The following USO1 variants were observed in gnomAD, a reference collection of about 807,000 sequenced individuals.
USO1 encodes the protein general vesicular transport factor p115.
Under a neutral mutation model 124.5 loss-of-function variants are expected in USO1, and 57 were observed. The observed-to-expected ratio is 0.46, with a 90% CI of 0.37 to 0.57. The LOEUF (loss-of-function observed/expected upper bound fraction) is 0.57, where lower values mean the gene tolerates loss of function less well. Among genes scored for constraint, USO1 ranks in the 20% least tolerant of loss-of-function variants. The pLI, the probability that USO1 is intolerant of heterozygous loss-of-function variation, is 0.00. For missense variants in USO1, 900 were observed against 1,040.6 expected (o/e 0.86, Z 1.86); for synonymous variants, 369 against 362.8 (o/e 1.02, Z -0.19).
intron 17 of USO1, among the ~76,000 whole-genome samples, chr4:75,803,604 GCA>G (rs1722914657): frequency 6.7e-6 from 1 of 149,622 alleles, no homozygotes; most frequent in Non-Finnish European, 1.5e-5. Flanking sequence ...GAGCTGGATT[GCA>G]CCACTGCACT....
In USO1 at chr4:75,771,259, A is replaced by T. The variant is rs116737637; in HGVS notation, c.555+122A>T. On this transcript the variant is annotated intron_variant, in intron 7 of 23. Coordinates refer to ENST00000514213, the MANE Select transcript of USO1 (RefSeq NM_003715.4). ...AAAGCTGGAGTAATGACCTTTTTTTAAAAAAATTAAAAATTAGTAAACAGA... is the reference window on the plus strand; with the variant it reads ...AAAGCTGGAGTAATGACCTTTTTTTTAAAAAATTAAAAATTAGTAAACAGA... 1.6e-3 allele frequency: 1,879 copies of T among 1,141,068 alleles called. 27 individuals carry two copies. The African/African-American group carries it at 0.026, about 16-fold the overall frequency. The allele number at this position is 1,141,068 out of a possible 1,614,324, so 70.7% of individuals were successfully genotyped here.
At chr4:75,729,770 C>G (rs1363158745) in intron 1 of USO1, 1 of 160,640 alleles carries the variant, frequency 6.2e-6, no homozygotes. Flanking sequence ...TTGCTAATGT[C>G]CAGAAAAAGC....
intron 4 of USO1, among the ~76,000 whole-genome samples, chr4:75,761,147 C>CA (rs917761279): frequency 3.4e-4 from 49 of 144,036 alleles, no homozygotes; most frequent in African/African-American, 1.1e-3. Flanking sequence ...AGACTTGTCT[C>CA]AAAAAAAAAA....
intron 4 of USO1, among the ~76,000 whole-genome samples, chr4:75,764,590 G>T (rs1721711392): frequency 6.6e-6 from 1 of 151,954 alleles, no homozygotes. Context: ...TACATTTTAG[G>T]GGAAGAATCC....
intron 16 of USO1, 26 bp from the exon 17 acceptor site, chr4:75,801,051 CAA>C: frequency 6.7e-7 from 1 of 1,487,892 alleles, no homozygotes; most frequent in East Asian, 2.5e-5. Context: ...ACATTTAAAA[CAA>C]ATTTTAAATA....
chr4:75,792,022 C>CT (rs35321728), intron 12 of USO1, among the ~76,000 whole-genome samples: 31,785 of 136,586 alleles, frequency 0.23, 3,661 homozygotes, highest in Middle Eastern at 0.35. Flanking sequence ...TGAAATGCTT[C>CT]TTTTTTTTTT....
rs1720335765 is a variant in USO1 at position 75,724,702 on chromosome 4, G to T, written c.-118G>T. 4.0e-6 allele frequency: 4 copies of T among 1,006,678 alleles called. No individual in the cohort carries two copies. The highest frequency in any genetic ancestry group is 5.8e-6 in the Non-Finnish European group (4 of 690,630). 62.4% of individuals were successfully genotyped at this position (1,006,678 alleles called of 1,614,324 possible). ...AGTGGCCGCCGAGTTGGAGGCGGTG[G>T]TGGCAGCAGTAGGAGTGTGTAGAGT... is the stretch of plus-strand genomic sequence containing the variant. On this transcript the variant is annotated 5_prime_UTR_variant, in exon 1 of 24. Coordinates refer to ENST00000514213, the MANE Select transcript of USO1 (RefSeq NM_003715.4).
chr4:75,790,911 GAAA>G, intron 12 of USO1, 114 bp downstream of exon 12: 2 of 928,136 alleles, frequency 2.2e-6, no homozygotes, highest in Non-Finnish European at 2.8e-6. Flanking sequence ...GCTTAGGAGA[GAAA>G]AAAAAAAAAC....
chr4:75,787,406 A>G (rs959653464), intron 10 of USO1, among the ~76,000 whole-genome samples: 1 of 152,222 alleles, frequency 6.6e-6, no homozygotes, highest in African/African-American at 2.4e-5. Context: ...TTTATAGTAC[A>G]TAAATAATAA....
chr4:75,771,185 C>A, intron 7 of USO1, 48 bp downstream of exon 7: 2 of 1,538,642 alleles, frequency 1.3e-6, no homozygotes, highest in South Asian at 2.5e-5. Flanking sequence ...GCTTTTTTTT[C>A]TCTTGCAAAT....
intron 4 of USO1, among the ~76,000 whole-genome samples, chr4:75,768,777 C>T (rs1025770932): frequency 4.6e-5 from 7 of 152,172 alleles, no homozygotes; most frequent in Non-Finnish European, 8.8e-5. Context: ...TTTGTAGTTG[C>T]ACTTTGTCAT....
At chr4:75,771,727 T>C (rs377414625) in intron 7 of USO1, among the ~76,000 whole-genome samples, 2 of 152,246 alleles carry the variant, frequency 1.3e-5, no homozygotes, top group African/African-American at 2.4e-5. Flanking sequence ...TGATTTGCTC[T>C]GGACTTATTT....
chr4:75,788,850 T>A (rs183863303), intron 10 of USO1, among the ~76,000 whole-genome samples: 53 of 152,222 alleles, frequency 3.5e-4, no homozygotes, highest in African/African-American at 1.3e-3. Context: ...GTCTTAATTT[T>A]CTAAAAAAAA....
rs1183001172 is a variant in USO1, at chr4:75,812,312, C to T, written c.2736C>T (p.Leu912=). 1 of 1,605,976 alleles carries T rather than the reference C, an allele frequency of 6.2e-7. No homozygotes were observed. The highest frequency in any genetic ancestry group is 2.2e-5 in the East Asian group (1 of 44,716). ...AAGAACAAGATGATCTCTTGGTGCTCTTGGCCGATCAAGATCAGAAAATAC... is the reference window on the plus strand; with the variant it reads ...AAGAACAAGATGATCTCTTGGTGCTTTTGGCCGATCAAGATCAGAAAATAC... ...SKKEQDDLLV[L]LADQDQKILS... The change falls in exon 23 of 24, where the codon CTC becomes CTT. Residue 912 remains leucine (L), a synonymous_variant. Coordinates refer to ENST00000514213, the MANE Select transcript of USO1 (RefSeq NM_003715.4).
At chr4:75,732,409 T>C (rs890711456) in intron 1 of USO1, among the ~76,000 whole-genome samples, 9 of 152,244 alleles carry the variant, frequency 5.9e-5, no homozygotes, top group African/African-American at 2.2e-4. Flanking sequence ...CAGTCCACTA[T>C]TGATGGACAC....
chr4:75,779,489 A>G (rs1001826337), intron 8 of USO1, among the ~76,000 whole-genome samples: 2 of 152,242 alleles, frequency 1.3e-5, no homozygotes, highest in African/African-American at 4.8e-5. Flanking sequence ...CACATGAATA[A>G]TTAGAAAGCA....
At position 75,787,623 on chromosome 4, in the gene USO1, GA is replaced by G. The variant is rs548717959; in HGVS notation, c.996+428del. Reference sequence around the variant, plus strand: ...TATAAGAAAAAGAAGTTAGTTTGAAGAAAAAAAGTTTGTTTATATTTTTAAA... The same window carrying G: ...TATAAGAAAAAGAAGTTAGTTTGAAGAAAAAAGTTTGTTTATATTTTTAAA... On this transcript the variant is annotated intron_variant, in intron 10 of 23. Transcript: ENST00000514213. Among the ~76,000 whole-genome samples the G allele has an allele frequency of 2.0e-3, 300 of 152,114 alleles. 3 individuals carry two copies. In the Middle Eastern group the frequency reaches 0.02, roughly 10 times the overall value.
intron 23 of USO1, 112 bp downstream of exon 23, chr4:75,812,487 G>A: frequency 7.6e-7 from 1 of 1,315,272 alleles, no homozygotes; most frequent in Non-Finnish European, 1.0e-6. Flanking sequence ...GAATGGATAT[G>A]TGGGTTCATG....
chr4:75,738,116 A>T (rs1720848232), intron 1 of USO1, among the ~76,000 whole-genome samples: 1 of 151,012 alleles, frequency 6.6e-6, no homozygotes. Flanking sequence ...TATAGGTATG[A>T]GTCATTGGGC....
Sources: gnomAD v4.1 joint callset for allele counts (sites outside exome capture counted in the v4.1 genomes callset) on GRCh38, gnomAD v4.1.1 for gene constraint, MANE v1.5 for transcripts, NCBI Gene and HGNC (gene_info 2026-07-23, HGNC 2026-07-21) for gene names.